Variants in NAF1 observed in about 807,000 individuals in gnomAD.
The protein encoded by NAF1 is nuclear assembly factor 1 ribonucleoprotein, also known as H/ACA ribonucleoprotein complex non-core subunit NAF1.
NAF1 carries 11 observed loss-of-function variants against 40.6 expected under a neutral mutation model. The observed-to-expected ratio is 0.27, with a 90% CI of 0.17 to 0.45. The LOEUF (loss-of-function observed/expected upper bound fraction) is 0.45. NAF1 is among the 20% of genes least tolerant of loss of function. The pLI is 1.00. For synonymous variants in NAF1, 260 were observed against 228.5 expected (o/e 1.14, Z -1.24); for missense variants, 607 against 611.1 (o/e 0.99, Z 0.07).
chr4:163,145,725 C>A, intron 4 of NAF1, 57 bp downstream of exon 4: 1 of 1,158,434 alleles, frequency 8.6e-7, no homozygotes, highest in Non-Finnish European at 1.2e-6. Flanking sequence ...TGGGGAAAGT[C>A]AGAAAAAAAC....
chr4:163,119,073 C>T (rs879223554), intron 2 of NAF1, among the ~76,000 whole-genome samples: 1 of 152,188 alleles, frequency 6.6e-6, no homozygotes, highest in Non-Finnish European at 1.5e-5. Context: ...CCTATTAGGC[C>T]TATGAGAATG....
downstream of NAF1, among the ~76,000 whole-genome samples, chr4:163,109,795 T>C (rs1007264582): frequency 5.9e-5 from 9 of 152,186 alleles, no homozygotes; most frequent in Non-Finnish European, 8.8e-5. Flanking sequence ...ACACTCTGCA[T>C]AGATATAGAG....
intron 5 of NAF1, among the ~76,000 whole-genome samples, chr4:163,137,505 C>G (rs986596035): frequency 1.3e-5 from 2 of 152,098 alleles, no homozygotes; most frequent in Non-Finnish European, 2.9e-5. Context: ...CAGTGGAAAG[C>G]AGATGGACAG....
At chr4:163,111,862 T>C (rs918411605) in intron 2 of NAF1, among the ~76,000 whole-genome samples, 1 of 152,088 alleles carries the variant, frequency 6.6e-6, no homozygotes, top group Non-Finnish European at 1.5e-5. Context: ...GGAAGCCAAG[T>C]GGGAAACATT....
chr4:163,161,172 G>C (rs1220158172), intron 2 of NAF1, among the ~76,000 whole-genome samples: 1 of 152,100 alleles, frequency 6.6e-6, no homozygotes, highest in Non-Finnish European at 1.5e-5. Context: ...GTATAAGCTA[G>C]AATTAAAAAG....
chr4:163,109,621 C>T (rs188921053), downstream of NAF1, among the ~76,000 whole-genome samples: 1 of 152,232 alleles, frequency 6.6e-6, no homozygotes, highest in East Asian at 1.9e-4. Context: ...AGAAAGAACA[C>T]AAGTGGTAAC....
At chr4:163,145,447 A>G (rs912603269) in intron 4 of NAF1, among the ~76,000 whole-genome samples, 1 of 152,192 alleles carries the variant, frequency 6.6e-6, no homozygotes, top group Non-Finnish European at 1.5e-5. Flanking sequence ...ATACTATGGG[A>G]AGTCTTCTTC....
chr4:163,132,360 A>C (rs1409462393), intron 7 of NAF1, among the ~76,000 whole-genome samples: 1 of 152,240 alleles, frequency 6.6e-6, no homozygotes, highest in African/African-American at 2.4e-5. Flanking sequence ...TGGTAAATTC[A>C]TGCCATGAAA....
intron 2 of NAF1, 57 bp from the exon 3 acceptor site, chr4:163,148,491 A>C (rs1731566310): frequency 8.0e-7 from 1 of 1,244,776 alleles, no homozygotes; most frequent in Admixed American, 2.4e-5. Context: ...CAACTTAAAA[A>C]AAATAAATTT....
intron 1 of NAF1, among the ~76,000 whole-genome samples, chr4:163,165,036 ATG>A (rs1162674464): frequency 6.6e-6 from 1 of 152,144 alleles, no homozygotes; most frequent in Non-Finnish European, 1.5e-5. Context: ...TACTACTTTC[ATG>A]GATAATCCCA....
intron 5 of NAF1, among the ~76,000 whole-genome samples, chr4:163,139,269 A>T (rs564578519): frequency 6.6e-6 from 1 of 152,138 alleles, no homozygotes; most frequent in Non-Finnish European, 1.5e-5. Flanking sequence ...TGTATCGCCT[A>T]GGTTTTAAGT....
At chr4:163,104,047 T>C in the NAF1 span, among the ~76,000 whole-genome samples, 1 of 151,392 alleles carries the variant, frequency 6.6e-6, no homozygotes, top group East Asian at 1.9e-4. Context: ...TAGTGGAAAA[T>C]TACAGTCAAA....
At chr4:163,105,851 T>G (rs1259229351), downstream of NAF1, among the ~76,000 whole-genome samples, 2 of 152,228 alleles carry the variant, frequency 1.3e-5, no homozygotes, top group Admixed American at 1.3e-4. Flanking sequence ...TGCTAGGTTT[T>G]GTCACTGAAT....
chr4:163,142,312 T>G (rs1179373270), intron 4 of NAF1, among the ~76,000 whole-genome samples: 1 of 152,234 alleles, frequency 6.6e-6, no homozygotes, highest in Non-Finnish European at 1.5e-5. Flanking sequence ...TTTAAAAATA[T>G]CTTTTAAGTT....
chr4:163,117,949 T>C (rs1730400965), intron 2 of NAF1, among the ~76,000 whole-genome samples: 1 of 152,158 alleles, frequency 6.6e-6, no homozygotes, highest in Admixed American at 6.5e-5. Context: ...ATAATTTTTC[T>C]AAAATGCTAT....
intron 1 of NAF1, among the ~76,000 whole-genome samples, chr4:163,164,710 A>G (rs1202425131): frequency 6.6e-6 from 1 of 152,222 alleles, no homozygotes. Flanking sequence ...GTCTGAATAT[A>G]AGCAAGCATG....
chr4:163,166,768 C>G lies in NAF1; in HGVS notation c.-41G>C. 1.2e-6 allele frequency: 2 copies of G among 1,609,450 alleles called. No homozygotes were observed. The highest frequency in any genetic ancestry group is 1.7e-6 in the Non-Finnish European group (2 of 1,178,412). ...ACCGGGTCGGCCTCAGGATTGGGGC[C>G]CCTGGACAAGCTCACGGCTCTCTCC... On this transcript the variant is annotated 5_prime_UTR_variant, in exon 1 of 8. Coordinates refer to ENST00000274054, the MANE Select transcript of NAF1 (RefSeq NM_138386.3).
At position 163,110,499 on chromosome 4, in the gene NAF1, T is replaced by C. The variant is rs149857304; in HGVS notation, c.115-209A>G. On this transcript the variant is annotated intron_variant, in intron 2 of 2. Transcript: ENST00000509434. ...ATATAGGGTTCGCTACTATTTGTGA[T>C]TTCAGGCATCCGCTGGTCTTGGAAC... Among the ~76,000 whole-genome samples, 334 of 152,302 alleles carry C rather than the reference T, an allele frequency of 2.2e-3. 2 individuals are homozygous for C. Among genetic ancestry groups the C allele is most frequent in the African/African-American group, 7.8e-3 (324 of 41,576 alleles).
At chr4:163,131,682 G>A (rs1251774927) in intron 7 of NAF1, among the ~76,000 whole-genome samples, 1 of 152,102 alleles carries the variant, frequency 6.6e-6, no homozygotes, top group Non-Finnish European at 1.5e-5. Flanking sequence ...AGCTAAGCAG[G>A]AAGTTCTCAG....
Sources: gnomAD v4.1 joint callset for allele counts (sites outside exome capture counted in the v4.1 genomes callset) on GRCh38, gnomAD v4.1.1 for gene constraint, MANE v1.5 for transcripts, NCBI Gene and HGNC (gene_info 2026-07-23, HGNC 2026-07-21) for gene names.